IL17B: variants seen among roughly 807,000 people sequenced by gnomAD.
The protein encoded by IL17B is interleukin-17B.
A neutral mutation model predicts 14.7 loss-of-function variants in IL17B; 14 were observed. The observed-to-expected ratio is 0.95, with a 90% CI of 0.63 to 1.49. IL17B has a LOEUF of 1.49. Ranked by LOEUF, IL17B falls within the 40% of genes most tolerant of loss-of-function variation. The pLI is 0.00. For missense variants in IL17B, 233 were observed against 252.8 expected (o/e 0.92, Z 0.53); for synonymous variants, 105 against 94.8 (o/e 1.11, Z -0.62).
chr5:149,390,618 C>CAT (rs1758925466), intron 1 of IL17B, among the ~76,000 whole-genome samples: 1 of 146,068 alleles, frequency 6.8e-6, no homozygotes, highest in African/African-American at 2.6e-5. Context: ...CACACACACA[C>CAT]ACACACACAC....
At chr5:149,402,776 G>A (rs1024831431) in intron 1 of IL17B, among the ~76,000 whole-genome samples, 2 of 151,534 alleles carry the variant, frequency 1.3e-5, no homozygotes, top group African/African-American at 4.8e-5. Flanking sequence ...GGCCGAGGCG[G>A]GCGGATCACA....
At chr5:149,394,124 C>T (rs1278511271) in intron 1 of IL17B, among the ~76,000 whole-genome samples, 1 of 152,162 alleles carries the variant, frequency 6.6e-6, no homozygotes, top group African/African-American at 2.4e-5. Flanking sequence ...TAAAAACGTA[C>T]ACATTTTTGC....
chr5:149,386,638 A>G (rs1581390989), intron 1 of IL17B, among the ~76,000 whole-genome samples: 1 of 152,328 alleles, frequency 6.6e-6, no homozygotes, highest in East Asian at 1.9e-4. Flanking sequence ...TTTGAGAGTT[A>G]TTGAGGAGGG....
chr5:149,398,167 T>C (rs1327349736), intron 1 of IL17B, among the ~76,000 whole-genome samples: 1 of 152,218 alleles, frequency 6.6e-6, no homozygotes, highest in African/African-American at 2.4e-5. Flanking sequence ...AAACCATATC[T>C]AATTTCCAAA....
At chr5:149,385,018 A>G (rs992317271) in intron 1 of IL17B, among the ~76,000 whole-genome samples, 1 of 151,316 alleles carries the variant, frequency 6.6e-6, no homozygotes, top group South Asian at 2.1e-4. Flanking sequence ...CTGTTAAGCA[A>G]TTCTCCTGCC....
chr5:149,402,200 G>A (rs186231452), intron 1 of IL17B, among the ~76,000 whole-genome samples: 1 of 152,250 alleles, frequency 6.6e-6, no homozygotes, highest in East Asian at 1.9e-4. Context: ...ATGAATAACC[G>A]AGCAGGAGCT....
At chr5:149,382,168 G>A (rs1245576902), upstream of IL17B, among the ~76,000 whole-genome samples, 2 of 152,224 alleles carry the variant, frequency 1.3e-5, no homozygotes, top group Non-Finnish European at 2.9e-5. Context: ...AGAATGAGGG[G>A]ATGGGGCGAG....
chr5:149,379,350 G>A (rs1322398895), upstream of IL17B: 40 of 1,135,254 alleles, frequency 3.5e-5, no homozygotes, highest in Non-Finnish European at 4.4e-5. Context: ...CTGGGGGAGT[G>A]AGTGGGTGGG....
At chr5:149,397,741 G>A (rs1305598402) in intron 1 of IL17B, among the ~76,000 whole-genome samples, 3 of 152,284 alleles carry the variant, frequency 2.0e-5, no homozygotes, top group East Asian at 3.9e-4. Context: ...GCAACAGGCC[G>A]TCTACAAGCT....
At chr5:149,384,003 C>T (rs1204880744), upstream of IL17B, among the ~76,000 whole-genome samples, 3 of 152,200 alleles carry the variant, frequency 2.0e-5, no homozygotes, top group African/African-American at 7.2e-5. Context: ...ACTCACCACC[C>T]ACAGGCCATC....
intron 1 of IL17B, among the ~76,000 whole-genome samples, chr5:149,395,670 A>T (rs1759077435): frequency 6.6e-6 from 1 of 152,066 alleles, no homozygotes; most frequent in African/African-American, 2.4e-5. Flanking sequence ...TTTTTTTATT[A>T]TTTTTTATTG....
In IL17B at chr5:149,379,159, G is replaced by A. The variant is rs375205327; in HGVS notation, c.21+46C>T. 3.4e-4 allele frequency: 541 copies of A among 1,611,968 alleles called. 5 individuals carry two copies. Among genetic ancestry groups the A allele is most frequent in the Middle Eastern group, 2.5e-3 (15 of 6,060 alleles). ...ATAGGAAAGAAAAACTGACATATTT[G>A]GGCTCTTAAAAAGGGGTGGGGGTGC... is the stretch of plus-strand genomic sequence containing the variant. On this transcript the variant is annotated intron_variant, in intron 1 of 2. Transcript: ENST00000261796.
At chr5:149,401,561 G>A (rs145333354) in intron 1 of IL17B, among the ~76,000 whole-genome samples, 20 of 152,150 alleles carry the variant, frequency 1.3e-4, no homozygotes, top group East Asian at 9.7e-4. Context: ...AAAACTAGCC[G>A]GGTGTGGCAG....
chr5:149,380,605 G>C (rs1309351557), upstream of IL17B, among the ~76,000 whole-genome samples: 1 of 152,186 alleles, frequency 6.6e-6, no homozygotes, highest in East Asian at 1.9e-4. Flanking sequence ...CTCACCTCAG[G>C]TGAACAGCCC....
upstream of IL17B, among the ~76,000 whole-genome samples, chr5:149,381,016 C>T (rs962901288): frequency 5.9e-5 from 9 of 152,054 alleles, no homozygotes; most frequent in Non-Finnish European, 8.8e-5. Context: ...CCCCACTGGC[C>T]GGGCGGCCTG....
At chr5:149,390,533 C>G (rs1365534979) in intron 1 of IL17B, among the ~76,000 whole-genome samples, 1 of 138,578 alleles carries the variant, frequency 7.2e-6, no homozygotes, top group Non-Finnish European at 1.6e-5. Flanking sequence ...CCCCCCCAAA[C>G]CCTCATCATG....
At chr5:149,387,775 C>CAAAAAAAAAA in intron 1 of IL17B, among the ~76,000 whole-genome samples, 1 of 81,348 alleles carries the variant, frequency 1.2e-5, no homozygotes. Flanking sequence ...GCCCCTGTCT[C>CAAAAAAAAAA]AAAAAAAAAA....
intron 1 of IL17B, among the ~76,000 whole-genome samples, chr5:149,387,793 A>AG (rs1325455805): frequency 2.6e-5 from 4 of 151,830 alleles, no homozygotes; most frequent in Non-Finnish European, 5.9e-5. Context: ...AAAAAAAAAA[A>AG]AAAGGAAAGA....
intron 1 of IL17B, among the ~76,000 whole-genome samples, chr5:149,385,189 C>G (rs1386213929): frequency 6.6e-6 from 1 of 151,626 alleles, no homozygotes; most frequent in East Asian, 2.0e-4. Flanking sequence ...AACTCCGTCT[C>G]TACTAAAAAT....
Sources: gnomAD v4.1 joint callset for allele counts (sites outside exome capture counted in the v4.1 genomes callset) on GRCh38, gnomAD v4.1.1 for gene constraint, MANE v1.5 for transcripts, NCBI Gene and HGNC (gene_info 2026-07-23, HGNC 2026-07-21) for gene names.